Variants in VGLL4 observed in about 807,000 individuals in gnomAD.
VGLL4 encodes the protein vestigial like family member 4, also known as transcription cofactor vestigial-like protein 4.
In VGLL4, 7 loss-of-function variants were observed where a neutral mutation model predicts 21.0. The ratio of observed to expected loss-of-function variants is 0.33; its 90% CI spans 0.19 to 0.63. The LOEUF (loss-of-function observed/expected upper bound fraction) is 0.63. VGLL4 is among the 20% of genes least tolerant of loss of function. The pLI is 0.78. For synonymous variants in VGLL4, 222 were observed against 173.2 expected (o/e 1.28, Z -2.21); for missense variants, 394 against 425.7 (o/e 0.93, Z 0.66).
chr3:11,712,404 A>C (rs1235207046), intron 1 of VGLL4, among the ~76,000 whole-genome samples: 1 of 152,212 alleles, frequency 6.6e-6, no homozygotes, highest in Non-Finnish European at 1.5e-5. Context: ...TGTCTTACAA[A>C]CTAAAGAGAG....
intron 2 of VGLL4, among the ~76,000 whole-genome samples, chr3:11,598,695 T>A (rs1336694249): frequency 1.3e-5 from 2 of 152,100 alleles, no homozygotes; most frequent in Non-Finnish European, 2.9e-5. Context: ...TCTTGCTATA[T>A]TGCCCAGGCT....
In VGLL4 at chr3:11,565,780, C is replaced by T. The variant is rs1395464119; in HGVS notation, c.273-761G>A. Among the ~76,000 whole-genome samples, 1 of 152,206 alleles carries T rather than the reference C, an allele frequency of 6.6e-6. No individual in the cohort carries two copies. The highest frequency in any genetic ancestry group is 1.5e-5 in the Non-Finnish European group (1 of 68,036). On this transcript the variant is annotated intron_variant, in intron 2 of 4. Coordinates refer to ENST00000430365, the MANE Select transcript of VGLL4 (RefSeq NM_001128219.3). This position sits in a 1 kb window ranked among gnomAD's most constrained non-coding sequence, Gnocchi z 4.1. Reference sequence around the variant, plus strand: ...GTGAGACAGTCAGCACCACCTCCATCTGATGTGTTAGTCTGAAGGCAGCGT... The same window carrying T: ...GTGAGACAGTCAGCACCACCTCCATTTGATGTGTTAGTCTGAAGGCAGCGT...
rs1014979649 is a variant in VGLL4, at chr3:11,559,326, A to G, written c.619+6T>C. The G allele has an allele frequency of 6.5e-7, 1 of 1,532,878 alleles. No homozygotes were observed. The highest frequency in any genetic ancestry group is 8.8e-7 in the Non-Finnish European group (1 of 1,137,498). 95.0% of individuals were successfully genotyped at this position (1,532,878 alleles called of 1,614,324 possible). ...TGTGACAGGTGAGGAGGCCCGGGAC[A>G]CTCACCGCTCGGTGGCCTCCGGTAG... On this transcript the variant is annotated splice_donor_region_variant and intron_variant, in intron 4 of 4. Coordinates refer to ENST00000430365, the MANE Select transcript of VGLL4 (RefSeq NM_001128219.3).
At chr3:11,661,796 T>C (rs2076043478) in intron 2 of VGLL4, among the ~76,000 whole-genome samples, 1 of 152,112 alleles carries the variant, frequency 6.6e-6, no homozygotes, top group Non-Finnish European at 1.5e-5. Flanking sequence ...TCTATGAGAC[T>C]TTAAAAAATA....
intron 2 of VGLL4, among the ~76,000 whole-genome samples, chr3:11,574,755 T>C (rs769880717): frequency 6.6e-6 from 1 of 151,520 alleles, no homozygotes; most frequent in Non-Finnish European, 1.5e-5. Flanking sequence ...ACCCCATGAA[T>C]ATGTACAATT....
chr3:11,629,655 G>A (rs952899873), intron 1 of VGLL4, among the ~76,000 whole-genome samples: 1 of 151,318 alleles, frequency 6.6e-6, no homozygotes, highest in Non-Finnish European at 1.5e-5. Flanking sequence ...GCTGAGGTAG[G>A]AGAATCACTT....
intron 1 of VGLL4, among the ~76,000 whole-genome samples, chr3:11,718,518 C>T (rs1286665386): frequency 2.6e-5 from 4 of 152,134 alleles, no homozygotes; most frequent in Admixed American, 2.0e-4. Context: ...AGTACAAGTC[C>T]GTGGACTCAG....
chr3:11,709,450 A>C (rs532196414), intron 1 of VGLL4, among the ~76,000 whole-genome samples: 1,831 of 151,320 alleles, frequency 0.012, 46 homozygotes, highest in African/African-American at 0.041. Flanking sequence ...AAAAAAAAAA[A>C]AAAAAAAAAA....
At chr3:11,593,227 C>G (rs2074543570) in intron 2 of VGLL4, among the ~76,000 whole-genome samples, 1 of 152,142 alleles carries the variant, frequency 6.6e-6, no homozygotes, top group Non-Finnish European at 1.5e-5. Context: ...ACTAAAGGCT[C>G]TAAAGACATA....
chr3:11,564,981 CG>C lies in VGLL4; in HGVS notation c.310del (p.Arg104GlyfsTer16). On this transcript the variant is annotated frameshift_variant, in exon 3 of 5. Transcript: ENST00000430365. LOFTEE classifies it high-confidence loss of function. ...CTCGATGGGGCTGCGGCTCCGCTCC[CG>C]GGGGTCTCTGCGGCAGTCTCCATTG... The part of the protein sequence containing the change: ...TANGDCRRDP[R>X]ERSRSPIERA... 1 of 1,529,154 alleles carries C rather than the reference CG, an allele frequency of 6.5e-7. No homozygotes were observed. 94.7% of individuals were successfully genotyped at this position (1,529,154 alleles called of 1,614,324 possible).
chr3:11,561,137 G>A (rs2072957372), intron 3 of VGLL4, among the ~76,000 whole-genome samples: 1 of 152,112 alleles, frequency 6.6e-6, no homozygotes, highest in South Asian at 2.1e-4. Flanking sequence ...CCCCCCCCAG[G>A]GTCCTCCCAA....
In VGLL4 at chr3:11,697,574, G is replaced by A. The variant is rs78948543; in HGVS notation, c.64+5397C>T. ...GGTTCACTTGGCTGATGCAGAAGCC[G>A]ACCAGAAGTCACCATGATCTTGAGG... On this transcript the variant is annotated intron_variant, in intron 2 of 5. Transcript: ENST00000273038. Among the ~76,000 whole-genome samples the A allele has an allele frequency of 5.8e-3, 870 of 149,886 alleles. 4 individuals are homozygous for A. Among genetic ancestry groups the A allele is most frequent in the Middle Eastern group, 0.021 (6 of 292 alleles).
chr3:11,573,948 A>G (rs2073951979), intron 2 of VGLL4, among the ~76,000 whole-genome samples: 1 of 152,224 alleles, frequency 6.6e-6, no homozygotes, highest in Non-Finnish European at 1.5e-5. Flanking sequence ...GGATACAGTG[A>G]CAGACACATA....
intron 1 of VGLL4, among the ~76,000 whole-genome samples, chr3:11,606,710 TTGTAAAATGGACCAATCAGCACTC>T (rs1430821199): frequency 6.6e-6 from 1 of 152,024 alleles, no homozygotes; most frequent in Non-Finnish European, 1.5e-5. Context: ...AGCTAAAGGT[TTGTAAAATGGACCAATCAGCACTC>T]TGTAAAATGG....
intron 2 of VGLL4, among the ~76,000 whole-genome samples, chr3:11,674,866 A>G (rs1404132376): frequency 6.6e-6 from 1 of 152,226 alleles, no homozygotes; most frequent in African/African-American, 2.4e-5. Flanking sequence ...ATGGAAAGAC[A>G]TAGGAAAAAG....
chr3:11,665,115 T>TC (rs1251958292), intron 2 of VGLL4, among the ~76,000 whole-genome samples: 4 of 128,388 alleles, frequency 3.1e-5, no homozygotes, highest in Admixed American at 7.7e-5. Flanking sequence ...TTTTTTTTTT[T>TC]TTTTTTTTTT....
chr3:11,619,778 C>T lies in VGLL4; in HGVS notation c.83-17756G>A, dbSNP rs943072000. Among the ~76,000 whole-genome samples, 3 of 152,204 alleles carry T rather than the reference C, an allele frequency of 2.0e-5. No individual in the cohort carries two copies. In the South Asian group the frequency reaches 6.2e-4, roughly 31 times the overall value. ...TACACAGAACCTCAGCAGACAGAGG[C>T]CCCTCTAGGCAGCAAAGATGTTACA... On this transcript the variant is annotated intron_variant, in intron 1 of 4. Coordinates refer to ENST00000430365, the MANE Select transcript of VGLL4 (RefSeq NM_001128219.3).
At chr3:11,631,900 G>A (rs1009630447) in intron 1 of VGLL4, among the ~76,000 whole-genome samples, 1 of 152,184 alleles carries the variant, frequency 6.6e-6, no homozygotes, top group African/African-American at 2.4e-5. Context: ...CTATCATGAG[G>A]TCAGAGCTCA....
intron 2 of VGLL4, among the ~76,000 whole-genome samples, chr3:11,661,975 C>A (rs1051603310): frequency 1.3e-5 from 2 of 152,224 alleles, no homozygotes; most frequent in Admixed American, 1.3e-4. Flanking sequence ...GATGGAAACA[C>A]AACCAAATAT....
Sources: allele counts gnomAD v4.1 joint callset (sites outside exome capture counted in the v4.1 genomes callset), GRCh38; gene constraint gnomAD v4.1.1; non-coding constraint Gnocchi (gnomAD v3.1); transcripts MANE v1.5; gene names NCBI Gene and HGNC (gene_info 2026-07-23, HGNC 2026-07-21).